Variants in ARFGEF1 observed in about 807,000 individuals in gnomAD.
ARFGEF1 encodes ARF guanine nucleotide exchange factor 1, also known as brefeldin A-inhibited guanine nucleotide-exchange protein 1.
ARFGEF1 carries 42 observed loss-of-function variants against 231.0 expected under a neutral mutation model. That is an observed-to-expected ratio of 0.18 (90% confidence interval 0.14 to 0.24). The LOEUF (loss-of-function observed/expected upper bound fraction) is 0.24, where lower values mean the gene tolerates loss of function less well. Among genes scored for constraint, ARFGEF1 ranks in the 10% least tolerant of loss-of-function variants. ARFGEF1 has a pLI of 1.00. For missense variants in ARFGEF1, 1,345 were observed against 2,192.0 expected, an observed-to-expected ratio of 0.61 and a Z score of 7.72; for synonymous variants, 710 against 732.3, an observed-to-expected ratio of 0.97 and a Z score of 0.49.
downstream of ARFGEF1, among the ~76,000 whole-genome samples, chr8:67,193,129 C>T (rs1055260109): frequency 1.5e-4 from 23 of 151,258 alleles, no homozygotes; most frequent in Non-Finnish European, 2.8e-4. Context: ...TGGTTTTTTT[C>T]TTTTTTTTTG....
intron 19 of ARFGEF1, among the ~76,000 whole-genome samples, chr8:67,246,733 G>C (rs1443426198): frequency 1.3e-5 from 2 of 149,798 alleles, no homozygotes; most frequent in Non-Finnish European, 3.0e-5. Flanking sequence ...CCCAAAATTA[G>C]TAGAAGAAAA....
intron 1 of ARFGEF1, among the ~76,000 whole-genome samples, chr8:67,327,523 T>C (rs970340602): frequency 2.0e-5 from 3 of 152,176 alleles, no homozygotes; most frequent in Non-Finnish European, 4.4e-5. Flanking sequence ...TTTCACCACG[T>C]TGGCCAGGCT....
At chr8:67,274,710 T>G (rs1469000341) in intron 9 of ARFGEF1, among the ~76,000 whole-genome samples, 1 of 152,120 alleles carries the variant, frequency 6.6e-6, no homozygotes. Context: ...TACATTTGAT[T>G]TGGAAAAAAG....
intron 23 of ARFGEF1, among the ~76,000 whole-genome samples, chr8:67,232,006 A>G (rs1160613989): frequency 6.6e-6 from 1 of 152,092 alleles, no homozygotes; most frequent in Non-Finnish European, 1.5e-5. Context: ...GTAGACATTA[A>G]GAATTCAAGG....
At position 67,226,054 on chromosome 8, in the gene ARFGEF1, T is replaced by C; in HGVS notation, c.4046A>G (p.His1349Arg). The change falls in exon 28 of 39, where the codon CAT becomes CGT. Residue 1349 changes from histidine (H) to arginine (R), a missense_variant. Coordinates refer to ENST00000262215, the MANE Select transcript of ARFGEF1 (RefSeq NM_006421.5). ...TCTATCAGACACATATTTTGCACAA[T>C]GGCGAATAAGTCGAATTGCTTCCAT... The part of the protein sequence containing the change: ...TSMEAIRLIR[H>R]CAKYVSDRPQ... 1 of 1,611,968 alleles carries C rather than the reference T, an allele frequency of 6.2e-7. No individual in the cohort carries two copies. The highest frequency in any genetic ancestry group is 8.5e-7 in the Non-Finnish European group (1 of 1,179,018).
At chr8:67,197,261 A>T (rs1451533046), downstream of ARFGEF1, among the ~76,000 whole-genome samples, 3 of 152,112 alleles carry the variant, frequency 2.0e-5, no homozygotes, top group Non-Finnish European at 2.9e-5. Context: ...AGCCTGGGCA[A>T]TATAGTGAGA....
intron 1 of ARFGEF1, among the ~76,000 whole-genome samples, chr8:67,316,354 T>G (rs2128924663): frequency 6.6e-6 from 1 of 152,336 alleles, no homozygotes; most frequent in South Asian, 2.1e-4. Flanking sequence ...ATAAAAGAAT[T>G]TATAACAATC....
At chr8:67,322,249 T>G (rs1423898298) in intron 1 of ARFGEF1, among the ~76,000 whole-genome samples, 2 of 152,226 alleles carry the variant, frequency 1.3e-5, no homozygotes, top group Admixed American at 6.5e-5. Flanking sequence ...TGCTGTACAC[T>G]TAAGTCTCTT....
chr8:67,197,711 T>C lies in ARFGEF1; in HGVS notation c.*1223A>G, dbSNP rs1461551626. 13 of 985,730 alleles carry C rather than the reference T, an allele frequency of 1.3e-5. No individual in the cohort carries two copies. The highest frequency in any genetic ancestry group is 1.7e-5 in the African/African-American group (1 of 57,248). 61.1% of individuals were successfully genotyped at this position (985,730 alleles called of 1,614,324 possible). On this transcript the variant is annotated 3_prime_UTR_variant, in exon 39 of 39. Transcript: ENST00000262215. Reference sequence around the variant, plus strand: ...AAACTTTATTGACCTATAACCTGATTAGAATATGCCAGATGGGAATCAATA... The same window carrying C: ...AAACTTTATTGACCTATAACCTGATCAGAATATGCCAGATGGGAATCAATA...
intron 10 of ARFGEF1, among the ~76,000 whole-genome samples, chr8:67,271,044 G>A (rs6990054): frequency 0.88 from 101,795 of 115,164 alleles, 44,421 homozygotes; most frequent in East Asian, 0.95. Flanking sequence ...AAAAAAAAAA[G>A]GAAAAAGAAA....
chr8:67,210,829 C>T (rs1254427232), intron 34 of ARFGEF1, among the ~76,000 whole-genome samples: 2 of 151,590 alleles, frequency 1.3e-5, no homozygotes, highest in Non-Finnish European at 2.9e-5. Context: ...CTGAGGCGGG[C>T]GGATCATAAG....
chr8:67,259,400 G>C (rs1439447391), intron 15 of ARFGEF1, among the ~76,000 whole-genome samples: 3 of 152,034 alleles, frequency 2.0e-5, no homozygotes, highest in Non-Finnish European at 4.4e-5. Flanking sequence ...CTAATTTTTT[G>C]TATTTTTATT....
intron 28 of ARFGEF1, among the ~76,000 whole-genome samples, chr8:67,225,464 A>C (rs1242201674): frequency 6.6e-6 from 1 of 152,214 alleles, no homozygotes; most frequent in Non-Finnish European, 1.5e-5. Context: ...AAATCTTATT[A>C]CCAAATCTAC....
intron 36 of ARFGEF1, 73 bp downstream of exon 36, chr8:67,203,010 G>A: frequency 2.0e-6 from 3 of 1,473,224 alleles, no homozygotes; most frequent in East Asian, 4.6e-5. Context: ...CAGTCAATGA[G>A]TTCTGAGACC....
In ARFGEF1 at chr8:67,343,366, G is replaced by T; in HGVS notation, c.-79C>A. ...AGGGGAGGAGGAGGAGAGGAAGGAAGAGAAGAGAGAAAGGAGAGGGGGTGG... is the reference window on the plus strand; with the variant it reads ...AGGGGAGGAGGAGGAGAGGAAGGAATAGAAGAGAGAAAGGAGAGGGGGTGG... On this transcript the variant is annotated 5_prime_UTR_variant, in exon 1 of 39. Transcript: ENST00000262215. 6.6e-7 allele frequency: 1 copy of T among 1,510,530 alleles called. No homozygotes were observed. 93.6% of individuals were successfully genotyped at this position (1,510,530 alleles called of 1,614,324 possible).
In ARFGEF1 at chr8:67,219,559, C is replaced by A; in HGVS notation, c.4210G>T (p.Gly1404Cys). 2 of 1,587,478 alleles carry A rather than the reference C, an allele frequency of 1.3e-6. No homozygotes were observed. Among genetic ancestry groups the A allele is most frequent in the Non-Finnish European group, 8.6e-7 (1 of 1,167,766 alleles). ...ATTATTTCAAACATTACTGTTAAAC[C>A]CCTAAAATGACAAAACACAATTAGA... is the stretch of plus-strand genomic sequence containing the variant. ...NRCKLDVRTRGLTVMFEIMKT... is the reference protein window; with the variant it reads ...NRCKLDVRTRCLTVMFEIMKT... The change falls in exon 30 of 39, where the codon GGT becomes TGT. Residue 1404 changes from glycine to cysteine, a missense_variant and splice_region_variant. By Grantham distance (159) the Gly-to-Cys change is radical. This residue lies in a region of ARFGEF1 where 142 missense variants were observed against 227.3 expected (regional missense o/e 0.62). Transcript: ENST00000262215.
chr8:67,284,443 T>C (rs948063989), intron 7 of ARFGEF1, among the ~76,000 whole-genome samples: 3 of 152,110 alleles, frequency 2.0e-5, no homozygotes, highest in Non-Finnish European at 4.4e-5. Flanking sequence ...TGACTTTGAA[T>C]CATGTAAATA....
intron 1 of ARFGEF1, among the ~76,000 whole-genome samples, chr8:67,322,678 C>T (rs950218871): frequency 2.0e-5 from 3 of 152,174 alleles, no homozygotes; most frequent in Admixed American, 6.5e-5. Context: ...GCTCTCTAGC[C>T]TGGGCAACAA....
At chr8:67,183,839 G>A (rs1833639458) in intron 5 of ARFGEF1, among the ~76,000 whole-genome samples, 1 of 145,902 alleles carries the variant, frequency 6.9e-6, no homozygotes, top group African/African-American at 2.6e-5. Flanking sequence ...GTAAAAAATT[G>A]GGAATTTTTT....
Sources: allele counts gnomAD v4.1 joint callset (sites outside exome capture counted in the v4.1 genomes callset), GRCh38; gene constraint gnomAD v4.1.1; regional missense constraint gnomAD v4.1.1; transcripts MANE v1.5; gene names NCBI Gene and HGNC (gene_info 2026-07-23, HGNC 2026-07-21).